The following LRIT3 variants were observed in gnomAD, a reference collection of about 807,000 sequenced individuals.
LRIT3 encodes leucine-rich repeat, immunoglobulin-like domain and transmembrane domain-containing protein 3.
A neutral mutation model predicts 22.6 loss-of-function variants in LRIT3; 14 were observed. The ratio of observed to expected loss-of-function variants is 0.62; its 90% confidence interval spans 0.41 to 0.97. The LOEUF (loss-of-function observed/expected upper bound fraction) is 0.97, where lower values mean the gene tolerates loss of function less well. LRIT3 is among the 50% of genes least tolerant of loss of function. LRIT3 has a pLI of 0.00. For missense variants in LRIT3, 783 were observed against 803.0 expected, an observed-to-expected ratio of 0.98 and a Z score of 0.30; for synonymous variants, 306 against 304.5, an observed-to-expected ratio of 1.01 and a Z score of -0.05.
At chr4:109,868,225 A>T (rs1474305683) in intron 3 of LRIT3, among the ~76,000 whole-genome samples, 1 of 152,170 alleles carries the variant, frequency 6.6e-6, no homozygotes, top group East Asian at 1.9e-4. Flanking sequence ...TTGCTTCATC[A>T]ACTTGGATAC....
chr4:109,848,999 T>C (rs1334857361), intron 1 of LRIT3, among the ~76,000 whole-genome samples: 1 of 152,194 alleles, frequency 6.6e-6, no homozygotes, highest in Non-Finnish European at 1.5e-5. Context: ...AACAGAACTC[T>C]TGCTAGCTAA....
chr4:109,850,440 T>TTTCTTTCTTTCC (rs1734212242), intron 1 of LRIT3, among the ~76,000 whole-genome samples: 1 of 105,984 alleles, frequency 9.4e-6, no homozygotes, highest in Non-Finnish European at 1.8e-5. Flanking sequence ...TCTTTCTTTC[T>TTTCTTTCTTTCC]TTCTTTCTTT....
intron 2 of LRIT3, among the ~76,000 whole-genome samples, chr4:109,865,473 A>G (rs976420758): frequency 6.6e-6 from 1 of 152,160 alleles, no homozygotes; most frequent in Non-Finnish European, 1.5e-5. Flanking sequence ...TCATATCTCC[A>G]CCATTACTTA....
intron 2 of LRIT3, among the ~76,000 whole-genome samples, chr4:109,855,913 A>G (rs933680316): frequency 9.2e-5 from 14 of 151,778 alleles, no homozygotes; most frequent in African/African-American, 2.7e-4. Flanking sequence ...GACAGTTTGT[A>G]TGCCTTCACC....
At chr4:109,851,234 C>T (rs895814819) in intron 1 of LRIT3, 24 of 364,984 alleles carry the variant, frequency 6.6e-5, no homozygotes, top group Non-Finnish European at 1.0e-4. Flanking sequence ...AGTTTTACAT[C>T]CATTGTAATT....
rs761097698 is a variant in LRIT3, at chr4:109,870,017, C to A, written c.1268C>A (p.Thr423Asn). The change falls in exon 4 of 4, where the codon ACC (threonine) becomes AAC (asparagine). Residue 423 changes from threonine to asparagine, a missense_variant. Transcript: ENST00000594814. ...TTCTCCTCCTCCACTGTTTCTTCAA[C>A]CACAACTCTGAGCACAAGCATCTCA... ...SPFSSSTVSS[T>N]TTLSTSISAS... 9.3e-6 allele frequency: 15 copies of A among 1,614,036 alleles called. No homozygotes were observed. The highest frequency in any genetic ancestry group is 1.2e-5 in the Non-Finnish European group (14 of 1,180,036).
rs536181576 is a variant in LRIT3 at position 109,856,685 on chromosome 4, A to G, written c.589+4709A>G. Among the ~76,000 whole-genome samples, 242 of 152,316 alleles carry G rather than the reference A, an allele frequency of 1.6e-3. 1 individual carries two copies. The highest frequency in any genetic ancestry group is 4.7e-3 in the African/African-American group (195 of 41,570). The stretch of plus-strand genomic sequence containing the variant: ...CAAAAATCAGAAATATTCCAATCAC[A>G]TTGCATTTGTAATCCGTGTTCTAAA... On this transcript the variant is annotated intron_variant, in intron 2 of 3. Coordinates refer to ENST00000594814, the MANE Select transcript of LRIT3 (RefSeq NM_198506.5).
intron 2 of LRIT3, among the ~76,000 whole-genome samples, chr4:109,856,097 C>A (rs1317579925): frequency 1.3e-5 from 2 of 152,116 alleles, no homozygotes; most frequent in African/African-American, 4.8e-5. Flanking sequence ...GATGTGAAAC[C>A]TCCCTGACTG....
Position 109,870,052 on chromosome 4 carries a change from A to T in LRIT3, c.1303A>T (p.Thr435Ser), listed in dbSNP as rs754606596. Residue 435 changes from threonine to serine, a missense_variant, in exon 4 of 4, where the codon ACC becomes TCC. This residue lies in a region of LRIT3 where 756 missense variants were observed against 753.8 expected (regional missense o/e 1.00). Transcript: ENST00000594814. ...GAGCACAAGCATCTCAGCAAGTACC[A>T]CCATGGCCAACAAGCGATCATTCCA... ...TLSTSISAST[T>S]MANKRSFQLH... is the part of the protein sequence containing the mutation. The T allele has an allele frequency of 1.2e-6, 2 of 1,614,108 alleles. No individual in the cohort carries two copies. Among genetic ancestry groups the T allele is most frequent in the Non-Finnish European group, 1.7e-6 (2 of 1,180,022 alleles).
chr4:109,865,356 T>C, intron 2 of LRIT3: 1 of 1,518,478 alleles, frequency 6.6e-7, no homozygotes, highest in South Asian at 1.1e-5. Context: ...GGTCAACTAA[T>C]ACGTACAATA....
chr4:109,869,555 G>T, intron 3 of LRIT3, 90 bp from the exon 4 acceptor site: 2 of 1,260,450 alleles, frequency 1.6e-6, no homozygotes, highest in Middle Eastern at 5.1e-4. Flanking sequence ...GAGGATGCAT[G>T]TAGAGTGGAT....
In LRIT3 at chr4:109,870,471, T is replaced by C. The variant is rs1734805818; in HGVS notation, c.1722T>C (p.Val574=). ...GCATCACCTTTTCTACTGAAAGAGT[T>C]GAAGGAGATGATTCTCAATGGTCTC... ...DQCITFSTER[V]EGDDSQWSLL... is the part of the protein sequence containing the mutation. The change falls in exon 4 of 4, where the codon GTT becomes GTC. Residue 574 remains valine, a synonymous_variant. Transcript: ENST00000594814. 1.1e-5 allele frequency: 17 copies of C among 1,614,224 alleles called. No individual in the cohort carries two copies. The highest frequency in any genetic ancestry group is 1.2e-5 in the Non-Finnish European group (14 of 1,180,026).
rs1408137896 is a variant in LRIT3, at chr4:109,865,182, C to T, written c.590-2459C>T. The T allele has an allele frequency of 1.9e-5, 28 of 1,472,724 alleles. 1 individual carries two copies. The South Asian group carries it at 2.1e-4, about 11-fold the overall frequency. The allele number at this position is 1,472,724 out of a possible 1,614,324, so 91.2% of individuals were successfully genotyped here. A position where few individuals can be genotyped will look rare whatever the true frequency, so the allele number is the denominator to read the frequency against. ...TATCTAGTCAACTCTCCCATTTTGC[C>T]GATGAGAAAACAGGCTCAGCAAGGT... On this transcript the variant is annotated intron_variant, in intron 2 of 3. Coordinates refer to ENST00000594814, the MANE Select transcript of LRIT3 (RefSeq NM_198506.5).
At position 109,870,225 on chromosome 4, in the gene LRIT3, G is replaced by T. The variant is rs2125901674; in HGVS notation, c.1476G>T (p.Val492=). 1 of 1,614,176 alleles carries T rather than the reference G, an allele frequency of 6.2e-7. No homozygotes were observed. The highest frequency in any genetic ancestry group is 1.1e-5 in the South Asian group (1 of 91,084). The change falls in exon 4 of 4, where the codon GTG becomes GTT. Residue 492 remains valine (V), a synonymous_variant. Coordinates refer to ENST00000594814, the MANE Select transcript of LRIT3 (RefSeq NM_198506.5). The stretch of plus-strand genomic sequence containing the variant: ...ATGCCGCAATAGAAAACCTCAGGGT[G>T]GTCAGTGAGACTAAAGAGAGTGTGA... The part of the protein sequence containing the change: ...ETNAAIENLR[V]VSETKESVTL...
chr4:109,849,132 T>A (rs1030842577), intron 1 of LRIT3, among the ~76,000 whole-genome samples: 4 of 152,228 alleles, frequency 2.6e-5, no homozygotes, highest in Admixed American at 1.3e-4. Context: ...TTGCCCAATT[T>A]ATGTCTTATA....
chr4:109,860,920 C>T (rs1477169306), intron 2 of LRIT3, among the ~76,000 whole-genome samples: 4 of 152,234 alleles, frequency 2.6e-5, no homozygotes, highest in African/African-American at 9.6e-5. Context: ...AGCAATTGTT[C>T]ATCCTTTCTC....
At position 109,863,398 on chromosome 4, in the gene LRIT3, A is replaced by T. The variant is rs150505435; in HGVS notation, c.590-4243A>T. Among the ~76,000 whole-genome samples the T allele has an allele frequency of 2.6e-5, 4 of 152,256 alleles. No individual in the cohort carries two copies. In the East Asian group the frequency reaches 7.7e-4, roughly 29 times the overall value. On this transcript the variant is annotated intron_variant, in intron 2 of 3. Coordinates refer to ENST00000594814, the MANE Select transcript of LRIT3 (RefSeq NM_198506.5). ...TGGTTTTCTCATCTTTAAAATGGGGATGATAATAGTACTACCTATCCCATG... is the reference window on the plus strand; with the variant it reads ...TGGTTTTCTCATCTTTAAAATGGGGTTGATAATAGTACTACCTATCCCATG...
chr4:109,859,657 C>G (rs532528879), intron 2 of LRIT3, among the ~76,000 whole-genome samples: 1 of 152,160 alleles, frequency 6.6e-6, no homozygotes, highest in Non-Finnish European at 1.5e-5. Context: ...AGGTGCACCT[C>G]ATGCATCCGT....
rs1560588940 is a variant in LRIT3 at position 109,850,415 on chromosome 4, CTTCCTTCCTTTCTTTCTTTCT to C, written c.117-1085_117-1065del. ...CCTTCCTTCCTTCCTTCCTTCCTTC[CTTCCTTCCTTTCTTTCTTTCT>C]TTCTTTCTTTCTTTCTTTCTTTCTT... is the stretch of plus-strand genomic sequence containing the variant. On this transcript the variant is annotated intron_variant, in intron 1 of 3. Coordinates refer to ENST00000594814, the MANE Select transcript of LRIT3 (RefSeq NM_198506.5). 9.1e-3 allele frequency among the ~76,000 whole-genome samples: 161 copies of C among 17,686 alleles called. 8 individuals are homozygous for C. The highest frequency in any genetic ancestry group is 0.031 in the African/African-American group (154 of 4,902). 11.6% of individuals were successfully genotyped at this position (17,686 alleles called of 152,430 possible). A position where few individuals can be genotyped will look rare whatever the true frequency, so the allele number is the denominator to read the frequency against.
Sources: allele counts gnomAD v4.1 joint callset (sites outside exome capture counted in the v4.1 genomes callset), GRCh38; gene constraint gnomAD v4.1.1; regional missense constraint gnomAD v4.1.1; transcripts MANE v1.5; gene names NCBI Gene and HGNC (gene_info 2026-07-23, HGNC 2026-07-21).